The following PCDHGB5 variants were observed in gnomAD, a reference collection of about 807,000 sequenced individuals.
The protein encoded by PCDHGB5 is protocadherin gamma subfamily B, 5, also known as protocadherin gamma-B5.
Under a neutral mutation model 62.9 loss-of-function variants are expected in PCDHGB5, and 48 were observed. That is an observed-to-expected ratio of 0.76 (90% CI 0.61 to 0.97). The LOEUF (loss-of-function observed/expected upper bound fraction) is 0.97. PCDHGB5 is among the 50% of genes least tolerant of loss of function. The pLI is 0.00. For synonymous variants in PCDHGB5, 474 were observed against 511.2 expected (o/e 0.93, Z 0.98); for missense variants, 1,118 against 1,198.6 (o/e 0.93, Z 0.99).
rs189987196 is a variant in PCDHGB5, at chr5:141,420,754, C to T, written c.2397+20230C>T. Among the ~76,000 whole-genome samples, 291 of 152,292 alleles carry T rather than the reference C, an allele frequency of 1.9e-3. 2 individuals carry two copies. The highest frequency in any genetic ancestry group is 3.6e-3 in the Non-Finnish European group (248 of 68,020). On this transcript the variant is annotated intron_variant, in intron 1 of 3. Coordinates refer to ENST00000617380, the MANE Select transcript of PCDHGB5 (RefSeq NM_018925.3). ...TAAAATCAATTGGAACCAACTACAA[C>T]CTACAAGTTTTCAGCTCCAGTAATA... is the stretch of plus-strand genomic sequence containing the variant.
Position 141,487,203 on chromosome 5 carries a change from G to A in PCDHGB5, c.2398-7604G>A, listed in dbSNP as rs765707343. 6.8e-6 allele frequency: 11 copies of A among 1,613,804 alleles called. No homozygotes were observed. The highest frequency in any genetic ancestry group is 5.3e-5 in the African/African-American group (4 of 74,890). The stretch of plus-strand genomic sequence containing the variant: ...ACTCATCCAGTTGTCCCAGATCTTC[G>A]AGAATCTTCAGCTCCAAGGGAAGGA... On this transcript the variant is annotated intron_variant, in intron 1 of 3. Transcript: ENST00000617380. This position sits in a 1 kb window ranked among gnomAD's most constrained non-coding sequence, Gnocchi z 5.0.
rs749264259 is a variant in PCDHGB5 at position 141,399,951 on chromosome 5, C to A, written c.1824C>A (p.Ser608Arg). ...TGTCCTACCACGTGCTGCAGGCTAG[C>A]GAGCCCGGGCTCTTCAGCCTGGGGC... ...AWLSYHVLQA[S>R]EPGLFSLGLR... is the part of the protein sequence containing the mutation. The change falls in exon 1 of 4, where the codon AGC becomes AGA. Residue 608 changes from serine (S) to arginine (R), a missense_variant. Ser to Arg is a moderately radical substitution (Grantham distance 110, BLOSUM62 -1). Around this residue, in one of 2 missense-constraint regions of PCDHGB5, gnomAD observed 1,034 missense variants for 1,029.1 expected, o/e 1.00. Coordinates refer to ENST00000617380, the MANE Select transcript of PCDHGB5 (RefSeq NM_018925.3). 6.2e-7 allele frequency: 1 copy of A among 1,612,120 alleles called. No homozygotes were observed. Among genetic ancestry groups the A allele is most frequent in the Non-Finnish European group, 8.5e-7 (1 of 1,179,714 alleles).
intron 1 of PCDHGB5, chr5:141,408,444 G>A (rs2095109468): frequency 6.2e-6 from 10 of 1,613,960 alleles, no homozygotes; most frequent in Non-Finnish European, 7.6e-6. Context: ...GACGCGGAGA[G>A]CGGGGACTTA....
At chr5:141,422,907 G>A in intron 1 of PCDHGB5, 1 of 1,614,196 alleles carries the variant, frequency 6.2e-7, no homozygotes, top group Non-Finnish European at 8.5e-7. Context: ...ACGACAATGC[G>A]CCCGAGATCC....
At position 141,490,076 on chromosome 5, in the gene PCDHGB5, A is replaced by G. The variant is rs1025569516; in HGVS notation, c.2398-4731A>G. 2.5e-6 allele frequency: 4 copies of G among 1,614,240 alleles called. No homozygotes were observed. The highest frequency in any genetic ancestry group is 1.3e-5 in the African/African-American group (1 of 75,070). Reference sequence around the variant, plus strand: ...GAGGGCACCAACGGCCAACTAGACTATTCTTTTGGAGACCACACATCTGAG... The same window carrying G: ...GAGGGCACCAACGGCCAACTAGACTGTTCTTTTGGAGACCACACATCTGAG... On this transcript the variant is annotated intron_variant, in intron 1 of 3. Coordinates refer to ENST00000617380, the MANE Select transcript of PCDHGB5 (RefSeq NM_018925.3). The surrounding 1 kb of genome is among the most constrained non-coding windows in gnomAD (Gnocchi z 5.4).
At chr5:141,500,455 C>T (rs1254764658) in intron 2 of PCDHGB5, among the ~76,000 whole-genome samples, 4 of 151,986 alleles carry the variant, frequency 2.6e-5, no homozygotes, top group Non-Finnish European at 5.9e-5. Context: ...GTGATCCGCC[C>T]GCCTCGGCCT....
In PCDHGB5 at chr5:141,491,696, G is replaced by A; in HGVS notation, c.2398-3111G>A. The A allele has an allele frequency of 6.2e-7, 1 of 1,612,390 alleles. No individual in the cohort carries two copies. The highest frequency in any genetic ancestry group is 8.5e-7 in the Non-Finnish European group (1 of 1,179,286). ...CGCTCTAATACGCTGCGGGAGCGGA[G>A]CCAGGTGAGGGGCTCGGCGCCGCCC... On this transcript the variant is annotated intron_variant, in intron 1 of 3. Coordinates refer to ENST00000617380, the MANE Select transcript of PCDHGB5 (RefSeq NM_018925.3). This position sits in a 1 kb window ranked among gnomAD's most constrained non-coding sequence, Gnocchi z 6.9.
At chr5:141,430,656 G>A in intron 1 of PCDHGB5, 1 of 1,092,670 alleles carries the variant, frequency 9.2e-7, no homozygotes, top group Non-Finnish European at 1.3e-6. Context: ...GGAAACAACG[G>A]AGGAGCTCTG....
intron 1 of PCDHGB5, among the ~76,000 whole-genome samples, chr5:141,480,916 A>C (rs991166066): frequency 6.6e-6 from 1 of 152,106 alleles, no homozygotes; most frequent in East Asian, 1.9e-4. Flanking sequence ...ATGGTGGCGC[A>C]TACCTGTAGT....
At chr5:141,409,632 C>G (rs1279542488) in intron 1 of PCDHGB5, 1 of 1,613,848 alleles carries the variant, frequency 6.2e-7, no homozygotes, top group East Asian at 2.2e-5. Context: ...GTGAGCGCCT[C>G]TGACCCGGAT....
chr5:141,398,608 G>C lies in PCDHGB5; in HGVS notation c.481G>C (p.Asp161His). The C allele has an allele frequency of 2.5e-6, 4 of 1,614,062 alleles. No individual in the cohort carries two copies. The highest frequency in any genetic ancestry group is 3.4e-6 in the Non-Finnish European group (4 of 1,179,914). Residue 161 changes from aspartate (D) to histidine (H), a missense_variant, in exon 1 of 4, where the codon GAT becomes CAT. Coordinates refer to ENST00000617380, the MANE Select transcript of PCDHGB5 (RefSeq NM_018925.3). ...TATACTAGAAGTAGCAGAAGATGCA[G>C]ATATTGGCTTAAACTCTCTGCAGAA... ...RFILEVAEDA[D>H]IGLNSLQKYK...
intron 1 of PCDHGB5, chr5:141,415,740 GTTTTTTTTTTTTTTTTTTTTT>G: frequency 1.6e-6 from 1 of 617,990 alleles, no homozygotes; most frequent in Non-Finnish European, 2.1e-6. Context: ...GTTTATTAAG[GTTTTTTTTTTTTTTTTTTTTT>G]TTTTTTTTTT....
intron 3 of PCDHGB5, among the ~76,000 whole-genome samples, chr5:141,510,208 G>A (rs560746333): frequency 2.0e-5 from 3 of 151,866 alleles, no homozygotes; most frequent in Admixed American, 1.3e-4. Context: ...AGGAGGCAGA[G>A]GTTGCAGTGA....
chr5:141,429,910 T>C (rs2097252047), intron 1 of PCDHGB5, among the ~76,000 whole-genome samples: 1 of 152,230 alleles, frequency 6.6e-6, no homozygotes, highest in East Asian at 1.9e-4. Context: ...TTTTGAAATA[T>C]AATGTATTAA....
At chr5:141,405,648 G>T (rs936380418) in intron 1 of PCDHGB5, 5 of 523,616 alleles carry the variant, frequency 9.5e-6, no homozygotes, top group African/African-American at 3.9e-5. Context: ...CTAATTTTTT[G>T]TGTGTTTTTA....
In PCDHGB5 at chr5:141,486,172, T is replaced by C; in HGVS notation, c.2398-8635T>C. ...GGGGTTCTCCAGCCATGGAGCAACA[T>C]TGCAGCCTTCGAGTGGATCTGCTGG... On this transcript the variant is annotated intron_variant, in intron 1 of 3. Transcript: ENST00000617380. The surrounding 1 kb of genome is among the most constrained non-coding windows in gnomAD (Gnocchi z 5.0). 3 of 1,614,212 alleles carry C rather than the reference T, an allele frequency of 1.9e-6. No homozygotes were observed. Among genetic ancestry groups the C allele is most frequent in the Admixed American group, 1.7e-5 (1 of 60,036 alleles).
At chr5:141,482,205 C>T (rs1478729653) in intron 1 of PCDHGB5, among the ~76,000 whole-genome samples, 1 of 151,896 alleles carries the variant, frequency 6.6e-6, no homozygotes, top group Non-Finnish European at 1.5e-5. Context: ...TAAAACAGAC[C>T]AGGTACTTGT....
At chr5:141,400,760 C>G (rs1296918626) in intron 1 of PCDHGB5, 2 of 582,290 alleles carry the variant, frequency 3.4e-6, no homozygotes, top group Non-Finnish European at 6.0e-6. Context: ...TCCTCTCTAG[C>G]AAAAACATTT....
Position 141,491,445 on chromosome 5 carries a change from C to G in PCDHGB5, c.2398-3362C>G. ...GAGGGCAGTGCTGCAGGCGCCAGGACTCACCCTCCCCGGACTTCTATAAGC... is the reference window on the plus strand; with the variant it reads ...GAGGGCAGTGCTGCAGGCGCCAGGAGTCACCCTCCCCGGACTTCTATAAGC... On this transcript the variant is annotated intron_variant, in intron 1 of 3. Coordinates refer to ENST00000617380, the MANE Select transcript of PCDHGB5 (RefSeq NM_018925.3). This position sits in a 1 kb window ranked among gnomAD's most constrained non-coding sequence, Gnocchi z 6.9. 6.2e-7 allele frequency: 1 copy of G among 1,614,112 alleles called. No individual in the cohort carries two copies. Among genetic ancestry groups the G allele is most frequent in the Non-Finnish European group, 8.5e-7 (1 of 1,180,032 alleles).
Sources: gnomAD v4.1 joint callset for allele counts (sites outside exome capture counted in the v4.1 genomes callset) on GRCh38, gnomAD v4.1.1 for gene constraint, gnomAD v4.1.1 regional missense constraint, Gnocchi (gnomAD v3.1) non-coding constraint, MANE v1.5 for transcripts, NCBI Gene and HGNC (gene_info 2026-07-23, HGNC 2026-07-21) for gene names.